Variants in MON2 observed in about 807,000 individuals in gnomAD.
MON2 encodes the protein protein MON2 homolog.
A neutral mutation model predicts 208.6 loss-of-function variants in MON2; 84 were observed. That is an observed-to-expected ratio of 0.40 (90% CI 0.34 to 0.48). The LOEUF (loss-of-function observed/expected upper bound fraction) is 0.48, where lower values mean the gene tolerates loss of function less well. MON2 is among the 20% of genes least tolerant of loss of function. MON2 has a pLI of 0.59. For synonymous variants in MON2, 660 were observed against 694.0 expected, an observed-to-expected ratio of 0.95 and a Z score of 0.77; for missense variants, 1,611 against 2,015.4, an observed-to-expected ratio of 0.80 and a Z score of 3.84.
intron 1 of MON2, chr12:62,482,991 G>A (rs1389072841): frequency 1.3e-5 from 2 of 151,826 alleles, no homozygotes; most frequent in East Asian, 3.9e-4. Flanking sequence ...CCATGATTGT[G>A]GCATTGCACT....
At chr12:62,582,222 T>A (rs997756062) in intron 32 of MON2, among the ~76,000 whole-genome samples, 1 of 152,236 alleles carries the variant, frequency 6.6e-6, no homozygotes, top group African/African-American at 2.4e-5. Flanking sequence ...GGCTATTGAG[T>A]TACCAAGTAT....
In MON2 at chr12:62,466,899, G is replaced by A; in HGVS notation, c.-309G>A. On this transcript the variant is annotated 5_prime_UTR_variant, in exon 1 of 35. It adds an upstream start codon to the 5' untranslated region. Coordinates refer to ENST00000393630, the MANE Select transcript of MON2 (RefSeq NM_015026.3). Reference sequence around the variant, plus strand: ...CTGAAGCTTCTTGCCAGGTTGGCTGGTGACACCCGGTGTGGCTGGGCCCCG... The same window carrying A: ...CTGAAGCTTCTTGCCAGGTTGGCTGATGACACCCGGTGTGGCTGGGCCCCG... 1 of 477,004 alleles carries A rather than the reference G, an allele frequency of 2.1e-6. No individual in the cohort carries two copies. The allele number at this position is 477,004 out of a possible 1,614,324, so 29.5% of individuals were successfully genotyped here.
chr12:62,569,591 CTTCTA>C (rs765314903), intron 29 of MON2, among the ~76,000 whole-genome samples: 2 of 152,076 alleles, frequency 1.3e-5, no homozygotes, highest in Non-Finnish European at 2.9e-5. Context: ...CATTCACACA[CTTCTA>C]TTCTTCTTCT....
At chr12:62,473,983 G>A (rs2068932536) in intron 1 of MON2, among the ~76,000 whole-genome samples, 1 of 152,082 alleles carries the variant, frequency 6.6e-6, no homozygotes, top group African/African-American at 2.4e-5. Context: ...TTGCTGCGAT[G>A]CTGATGACTC....
At chr12:62,470,370 ACT>A (rs1360873074) in intron 1 of MON2, among the ~76,000 whole-genome samples, 1 of 151,690 alleles carries the variant, frequency 6.6e-6, no homozygotes, top group African/African-American at 2.4e-5. Context: ...TTCATTTATA[ACT>A]CTATCCTTTG....
chr12:62,510,525 G>A (rs973701196), intron 8 of MON2, among the ~76,000 whole-genome samples: 1 of 152,006 alleles, frequency 6.6e-6, no homozygotes, highest in Non-Finnish European at 1.5e-5. Flanking sequence ...AAAGAATGAA[G>A]GTTAAAAACT....
rs748701328 is a variant in MON2, at chr12:62,534,890, GTCT to G, written c.1684_1686del (p.Leu562del). ...GAAATGGTGAATGCCTGCTGGTGTG[GTCT>G]TCTTGCTGCACTCTCACTCCTTCTT... On this transcript the variant is annotated inframe_deletion, in exon 13 of 35. Coordinates refer to ENST00000393630, the MANE Select transcript of MON2 (RefSeq NM_015026.3). The G allele has an allele frequency of 6.2e-7, 1 of 1,612,126 alleles. No individual in the cohort carries two copies. Among genetic ancestry groups the G allele is most frequent in the East Asian group, 2.2e-5 (1 of 44,732 alleles).
intron 22 of MON2, among the ~76,000 whole-genome samples, chr12:62,548,802 C>T (rs2073613340): frequency 6.6e-6 from 1 of 151,986 alleles, no homozygotes; most frequent in African/African-American, 2.4e-5. Flanking sequence ...TATTTTTTAC[C>T]ACCAGGATTT....
At position 62,549,739 on chromosome 12, in the gene MON2, G is replaced by C. The variant is rs758895537; in HGVS notation, c.2825G>C (p.Cys942Ser). 9.3e-6 allele frequency: 15 copies of C among 1,613,036 alleles called. No individual in the cohort carries two copies. In the Admixed American group the frequency reaches 1.8e-4, roughly 20 times the overall value. The change falls in exon 23 of 35, where the codon TGT (cysteine) becomes TCT (serine). Residue 942 changes from cysteine (C) to serine (S), a missense_variant. Cys to Ser is a moderately radical substitution (Grantham distance 112, BLOSUM62 -1). Coordinates refer to ENST00000393630, the MANE Select transcript of MON2 (RefSeq NM_015026.3). ...VVTDFLPTMP[C>S]TCLQIVVDVA... ...ACAGATTTTCTACCAACAATGCCTTGTACTTGCCTGCAAATAGTTGTAGAT... is the reference window on the plus strand; with the variant it reads ...ACAGATTTTCTACCAACAATGCCTTCTACTTGCCTGCAAATAGTTGTAGAT...
At chr12:62,522,776 A>G (rs2072123629) in intron 8 of MON2, among the ~76,000 whole-genome samples, 1 of 152,210 alleles carries the variant, frequency 6.6e-6, no homozygotes, top group African/African-American at 2.4e-5. Flanking sequence ...TCTCAACACT[A>G]GTTCTCTGCT....
intron 1 of MON2, among the ~76,000 whole-genome samples, chr12:62,468,325 A>G (rs1298832268): frequency 6.6e-6 from 1 of 152,046 alleles, no homozygotes; most frequent in Non-Finnish European, 1.5e-5. Context: ...CGTGAGCCAC[A>G]GCGCCCGGCT....
At chr12:62,578,948 T>C (rs1025073611) in intron 31 of MON2, among the ~76,000 whole-genome samples, 2 of 152,120 alleles carry the variant, frequency 1.3e-5, no homozygotes, top group Non-Finnish European at 2.9e-5. Flanking sequence ...AAAGAATATA[T>C]TTTGAGGCTG....
chr12:62,492,136 C>T (rs1260538731), intron 2 of MON2, among the ~76,000 whole-genome samples: 5 of 152,064 alleles, frequency 3.3e-5, no homozygotes, highest in African/African-American at 7.2e-5. Flanking sequence ...GACTTTGCAG[C>T]GCAGGCTGTA....
chr12:62,488,869 A>AG (rs2069946496), intron 2 of MON2, among the ~76,000 whole-genome samples: 3 of 151,782 alleles, frequency 2.0e-5, no homozygotes, highest in African/African-American at 7.3e-5. Context: ...ATGATAGGGG[A>AG]GGGATAGCAT....
intron 30 of MON2, 94 bp from the exon 31 acceptor site, chr12:62,578,351 C>A: frequency 1.3e-6 from 1 of 797,424 alleles, no homozygotes; most frequent in Non-Finnish European, 2.0e-6. Flanking sequence ...GGTTGGAAGA[C>A]ATAATTTTTT....
At chr12:62,497,369 C>G (rs575081452) in intron 4 of MON2, among the ~76,000 whole-genome samples, 101 of 152,116 alleles carry the variant, frequency 6.6e-4, no homozygotes, top group African/African-American at 2.2e-3. Context: ...CAAATGGTTT[C>G]AACAGACACT....
chr12:62,475,589 G>T (rs1012909602), intron 1 of MON2, among the ~76,000 whole-genome samples: 28 of 151,172 alleles, frequency 1.9e-4, no homozygotes, highest in African/African-American at 6.3e-4. Flanking sequence ...TAGTAATTTT[G>T]TATTTTAGTT....
chr12:62,571,678 T>G (rs143353574), intron 30 of MON2, 96 bp downstream of exon 30: 3 of 1,031,686 alleles, frequency 2.9e-6, no homozygotes, highest in Non-Finnish European at 2.8e-6. Flanking sequence ...ACAAAGTAAT[T>G]GATTATAAAG....
intron 23 of MON2, 107 bp downstream of exon 23, chr12:62,549,937 A>G (rs1204565006): frequency 4.7e-6 from 3 of 636,230 alleles, no homozygotes; most frequent in South Asian, 9.1e-5. Context: ...AATTGTTTAT[A>G]TGGCTTTTAA....
Sources: allele counts gnomAD v4.1 joint callset (sites outside exome capture counted in the v4.1 genomes callset), GRCh38; gene constraint gnomAD v4.1.1; transcripts MANE v1.5; gene names NCBI Gene and HGNC (gene_info 2026-07-23, HGNC 2026-07-21).